Variants in SP110 observed in about 807,000 individuals in gnomAD.
SP110 encodes interferon-induced protein 41, 30kD.
Under a neutral mutation model 92.7 loss-of-function variants are expected in SP110, and 62 were observed. The observed-to-expected ratio is 0.67, with a 90% CI of 0.55 to 0.83. SP110 has a LOEUF of 0.83. Among genes scored for constraint, SP110 ranks in the 40% least tolerant of loss-of-function variants. The pLI is 0.00. For synonymous variants in SP110, 273 were observed against 305.3 expected (o/e 0.89, Z 1.10); for missense variants, 793 against 863.9 (o/e 0.92, Z 1.03).
chr2:230,213,167 T>C (rs1033913506), intron 3 of SP110, 140 bp from the exon 4 acceptor site: 25 of 807,976 alleles, frequency 3.1e-5, no homozygotes, highest in African/African-American at 2.9e-4. Context: ...AACTGATTCA[T>C]TGTCATCATT....
At position 230,210,011 on chromosome 2, in the gene SP110, G is replaced by A. The variant is rs1267640837; in HGVS notation, c.752-3C>T. ...TTCTGGAGAATTATCTCTTATCTCT[G>A]ACAAAAGAAATATAAGTCATTTCAG... On this transcript the variant is annotated splice_region_variant and splice_polypyrimidine_tract_variant and intron_variant, in intron 6 of 18. Transcript: ENST00000258381. 5 of 1,579,578 alleles carry A rather than the reference G, an allele frequency of 3.2e-6. No individual in the cohort carries two copies. Among genetic ancestry groups the A allele is most frequent in the Non-Finnish European group, 4.4e-6 (5 of 1,148,660 alleles).
At chr2:230,225,481 G>C in intron 1 of SP110, 1 of 346,192 alleles carries the variant, frequency 2.9e-6, no homozygotes, top group Non-Finnish European at 5.6e-6. Flanking sequence ...AGCCACCTCA[G>C]CAAGGGGTGG....
At chr2:230,194,130 G>A (rs991785624) in intron 10 of SP110, among the ~76,000 whole-genome samples, 4 of 152,058 alleles carry the variant, frequency 2.6e-5, no homozygotes, top group Non-Finnish European at 5.9e-5. Flanking sequence ...GGCATGCTGG[G>A]AACAAGCAGA....
upstream of SP110, among the ~76,000 whole-genome samples, chr2:230,221,500 A>T (rs1470740636): frequency 6.6e-6 from 1 of 152,140 alleles, no homozygotes; most frequent in Non-Finnish European, 1.5e-5. Context: ...CCTAGTATGT[A>T]CAGAATAGCA....
At chr2:230,190,470 G>A (rs1035052803) in intron 10 of SP110, among the ~76,000 whole-genome samples, 2 of 151,402 alleles carry the variant, frequency 1.3e-5, no homozygotes, top group African/African-American at 4.8e-5. Flanking sequence ...TTTGTCAGAT[G>A]GGTGGATTGC....
intron 11 of SP110, among the ~76,000 whole-genome samples, chr2:230,184,938 T>C (rs564240111): frequency 7.0e-4 from 106 of 152,348 alleles, no homozygotes; most frequent in African/African-American, 2.4e-3. Context: ...AAAGTTTTAT[T>C]GGAATACAGC....
At chr2:230,209,683 A>G (rs540584209) in intron 7 of SP110, among the ~76,000 whole-genome samples, 63 of 152,268 alleles carry the variant, frequency 4.1e-4, no homozygotes, top group Middle Eastern at 3.4e-3. Flanking sequence ...TGAATATAGG[A>G]GATTGATTTT....
At chr2:230,198,385 T>C (rs563285042) in intron 10 of SP110, among the ~76,000 whole-genome samples, 77 of 152,246 alleles carry the variant, frequency 5.1e-4, no homozygotes, top group African/African-American at 1.8e-3. Context: ...GGAGAAGAAT[T>C]GGAACTAGAG....
At position 230,170,677 on chromosome 2, in the gene SP110, C is replaced by A; in HGVS notation, c.1972G>T (p.Ala658Ser). The stretch of plus-strand genomic sequence containing the variant: ...AGGCGCATGTCTCGCACAAACCATG[C>A]CACCGTGTACATTTCCGTAATCAGC... The part of the protein sequence containing the change: ...ERLITEMYTV[A>S]WFVRDMRLMF... The change falls in exon 18 of 19, where the codon GCA (alanine) becomes TCA (serine). Residue 658 changes from alanine to serine, a missense_variant. Coordinates refer to ENST00000258381, the MANE Select transcript of SP110 (RefSeq NM_080424.4). 1 of 1,614,106 alleles carries A rather than the reference C, an allele frequency of 6.2e-7. No homozygotes were observed. Among genetic ancestry groups the A allele is most frequent in the South Asian group, 1.1e-5 (1 of 91,084 alleles).
intron 15 of SP110, chr2:230,172,465 T>G (rs1038088863): frequency 1.8e-6 from 1 of 548,210 alleles, no homozygotes; most frequent in Non-Finnish European, 3.3e-6. Flanking sequence ...CAGGCTTGAG[T>G]GTCAGAATCT....
intron 14 of SP110, among the ~76,000 whole-genome samples, chr2:230,175,942 A>ATTATTTTTTTTTTT (rs769329922): frequency 1.0e-5 from 1 of 97,536 alleles, no homozygotes; most frequent in Non-Finnish European, 2.5e-5. Flanking sequence ...ATGCTGCAGC[A>ATTATTTTTTTTTTT]TTCTTTTTTT....
chr2:230,200,859 T>C, intron 10 of SP110, 26 bp downstream of exon 10: 1 of 1,537,076 alleles, frequency 6.5e-7, no homozygotes, highest in Non-Finnish European at 9.0e-7. Context: ...GACTGTACTC[T>C]GAGACCAGCA....
At chr2:230,220,087 C>G, upstream of SP110, 7 of 985,506 alleles carry the variant, frequency 7.1e-6, no homozygotes, top group Non-Finnish European at 7.2e-6. Context: ...TGCCTGCAGC[C>G]TCTCTCCACC....
At chr2:230,225,615 G>A (rs978593332) in exon 1 of SP110, 15 of 587,772 alleles carry the variant, frequency 2.6e-5, no homozygotes, top group South Asian at 1.7e-4. Flanking sequence ...CCTGTCTTCC[G>A]TGGCCTCGTG....
At chr2:230,189,169 T>C (rs2042495942) in intron 10 of SP110, among the ~76,000 whole-genome samples, 1 of 152,140 alleles carries the variant, frequency 6.6e-6, no homozygotes, top group South Asian at 2.1e-4. Context: ...TTTGTTTAAT[T>C]GATCTTTTTT....
intron 14 of SP110, chr2:230,176,650 G>A (rs1344844035): frequency 1.1e-5 from 18 of 1,613,826 alleles, no homozygotes; most frequent in Non-Finnish European, 1.4e-5. Context: ...TGGTGACTGA[G>A]AGGGTAGTAG....
At chr2:230,199,560 A>G (rs2043039029) in intron 10 of SP110, among the ~76,000 whole-genome samples, 1 of 152,004 alleles carries the variant, frequency 6.6e-6, no homozygotes, top group African/African-American at 2.4e-5. Flanking sequence ...AAGTCCAGGA[A>G]CTTTTCTATG....
Position 230,170,755 on chromosome 2 carries a change from C to T in SP110, c.1894G>A (p.Asp632Asn). ...FFTGIPFNIR[D>N]YGEPFQEAMW... The stretch of plus-strand genomic sequence containing the variant: ...GCTTCCTGAAAGGGCTCACCGTAAT[C>T]TCGAATCTTGGGGACAAAGCCACCA... Residue 632 changes from aspartate to asparagine, a missense_variant, in exon 18 of 19, where the codon GAT becomes AAT. By Grantham distance (23) the Asp-to-Asn change is conservative. Coordinates refer to ENST00000258381, the MANE Select transcript of SP110 (RefSeq NM_080424.4). The T allele has an allele frequency of 6.2e-7, 1 of 1,614,132 alleles. No individual in the cohort carries two copies. The highest frequency in any genetic ancestry group is 2.2e-5 in the East Asian group (1 of 44,870).
intron 15 of SP110, chr2:230,172,538 G>A (rs2078474328): frequency 1.9e-6 from 1 of 524,486 alleles, no homozygotes; most frequent in South Asian, 2.1e-5. Flanking sequence ...TGAAATGTGT[G>A]ACAAGCCGTG....
Sources: gnomAD v4.1 joint callset for allele counts (sites outside exome capture counted in the v4.1 genomes callset) on GRCh38, gnomAD v4.1.1 for gene constraint, MANE v1.5 for transcripts, NCBI Gene and HGNC (gene_info 2026-07-23, HGNC 2026-07-21) for gene names.